Variants in RRAGD observed in about 807,000 individuals in gnomAD.
The protein encoded by RRAGD is Ras related GTP binding D, also known as ras-related GTP-binding protein D.
In RRAGD, 12 loss-of-function variants were observed where a neutral mutation model predicts 35.5. That is an observed-to-expected ratio of 0.34 (90% CI 0.22 to 0.55). The LOEUF is 0.55. RRAGD is among the 20% of genes least tolerant of loss of function. RRAGD has a pLI of 0.91. For synonymous variants in RRAGD, 155 were observed against 178.9 expected, an observed-to-expected ratio of 0.87 and a Z score of 1.07; for missense variants, 324 against 490.1, an observed-to-expected ratio of 0.66 and a Z score of 3.20.
chr6:89,382,328 T>C (rs1386656630), intron 2 of RRAGD, among the ~76,000 whole-genome samples: 1 of 150,788 alleles, frequency 6.6e-6, no homozygotes, highest in Non-Finnish European at 1.5e-5. Context: ...GTGCCTGTAA[T>C]CCCACCTACT....
At chr6:89,385,004 T>C (rs1769116779) in intron 2 of RRAGD, among the ~76,000 whole-genome samples, 1 of 151,760 alleles carries the variant, frequency 6.6e-6, no homozygotes, top group Admixed American at 6.6e-5. Context: ...TAGCGGGTTA[T>C]AATCACACTT....
At position 89,372,479 on chromosome 6, in the gene RRAGD, C is replaced by A; in HGVS notation, c.1009G>T (p.Ala337Ser). 20 of 1,613,624 alleles carry A rather than the reference C, an allele frequency of 1.2e-5. No homozygotes were observed. The highest frequency in any genetic ancestry group is 1.7e-5 in the Non-Finnish European group (20 of 1,179,862). The change falls in exon 6 of 7, where the codon GCT becomes TCT. Residue 337 changes from alanine (A) to serine (S), a missense_variant. Physicochemically the swap from Ala to Ser is moderately conservative, Grantham distance 99. This residue lies in a region of RRAGD where 68 missense variants were observed against 76.8 expected (regional missense o/e 0.89). Coordinates refer to ENST00000369415, the MANE Select transcript of RRAGD (RefSeq NM_021244.5). ...LYLKEVTKFL[A>S]LVCFVREESF... ...TCCTCTCTGACAAAGCAAACGAGAG[C>A]CAGGAACTTTGTCACCTCTTTTAAA...
chr6:89,384,152 A>G (rs982384874), intron 2 of RRAGD, among the ~76,000 whole-genome samples: 1 of 151,974 alleles, frequency 6.6e-6, no homozygotes, highest in African/African-American at 2.4e-5. Flanking sequence ...CTGTGGAGAC[A>G]CTTCCCTAAA....
chr6:89,379,929 G>A (rs1769013290), intron 3 of RRAGD, among the ~76,000 whole-genome samples: 1 of 152,196 alleles, frequency 6.6e-6, no homozygotes, highest in Non-Finnish European at 1.5e-5. Flanking sequence ...TGTTTCTCAT[G>A]TGAGGGGAGA....
chr6:89,398,329 T>C (rs114084915), intron 1 of RRAGD, among the ~76,000 whole-genome samples: 3,165 of 152,264 alleles, frequency 0.021, 104 homozygotes, highest in African/African-American at 0.072. Flanking sequence ...CAATTAATTG[T>C]TGTAATTGAC....
chr6:89,398,094 A>G (rs1769375076), intron 1 of RRAGD, among the ~76,000 whole-genome samples: 1 of 152,122 alleles, frequency 6.6e-6, no homozygotes, highest in South Asian at 2.1e-4. Context: ...TTAGTGAGCC[A>G]AGATTGCGTC....
Position 89,411,732 on chromosome 6 carries a change from C to G in RRAGD, c.148+114G>C. 8.3e-7 allele frequency: 1 copy of G among 1,200,870 alleles called. No homozygotes were observed. Among genetic ancestry groups the G allele is most frequent in the Non-Finnish European group, 1.1e-6 (1 of 879,160 alleles). The allele number at this position is 1,200,870 out of a possible 1,614,324, so 74.4% of individuals were successfully genotyped here. ...CCCACCCCAAACCCTCAACTGGACC[C>G]GCTCCCCTGGACCCCCTCCAAGTCG... On this transcript the variant is annotated intron_variant, in intron 1 of 6. Coordinates refer to ENST00000369415, the MANE Select transcript of RRAGD (RefSeq NM_021244.5). This position sits in a 1 kb window ranked among gnomAD's most constrained non-coding sequence, Gnocchi z 5.6.
intron 2 of RRAGD, among the ~76,000 whole-genome samples, chr6:89,380,937 T>TG (rs1274649061): frequency 4.7e-5 from 7 of 149,384 alleles, no homozygotes; most frequent in Non-Finnish European, 1.0e-4. Flanking sequence ...AGATCAGAGT[T>TG]GCGGTTTCAG....
At chr6:89,399,606 T>TATTA (rs776772240) in intron 1 of RRAGD, among the ~76,000 whole-genome samples, 35 of 152,114 alleles carry the variant, frequency 2.3e-4, no homozygotes, top group Non-Finnish European at 4.6e-4. Context: ...ACCCTCTCTC[T>TATTA]ACTAAAAATA....
At chr6:89,399,185 T>TCTC (rs1195953983) in intron 1 of RRAGD, among the ~76,000 whole-genome samples, 1 of 152,140 alleles carries the variant, frequency 6.6e-6, no homozygotes, top group Non-Finnish European at 1.5e-5. Context: ...AGAAGTTGAA[T>TCTC]CTCCTCCTCC....
chr6:89,388,192 GC>G (rs1351901626), intron 1 of RRAGD, among the ~76,000 whole-genome samples: 1 of 152,172 alleles, frequency 6.6e-6, no homozygotes, highest in African/African-American at 2.4e-5. Context: ...CTGGCTCAGG[GC>G]CCCCATCCAG....
rs968203605 is a variant in RRAGD at position 89,411,619 on chromosome 6, C to T, written c.148+227G>A. On this transcript the variant is annotated intron_variant, in intron 1 of 6. Coordinates refer to ENST00000369415, the MANE Select transcript of RRAGD (RefSeq NM_021244.5). The surrounding 1 kb of genome is among the most constrained non-coding windows in gnomAD (Gnocchi z 5.6). ...AGCCCAGACGCTTACTCCCTCCTTC[C>T]CCTTTTCCACCGATCCTGGTTGCCC... is the stretch of plus-strand genomic sequence containing the variant. 1 of 564,498 alleles carries T rather than the reference C, an allele frequency of 1.8e-6. No homozygotes were observed. The highest frequency in any genetic ancestry group is 3.1e-6 in the Non-Finnish European group (1 of 320,442). 35.0% of individuals were successfully genotyped at this position (564,498 alleles called of 1,614,324 possible). A position where few individuals can be genotyped will look rare whatever the true frequency, so the allele number is the denominator to read the frequency against.
chr6:89,372,476 G>C lies in RRAGD; in HGVS notation c.1012C>G (p.Leu338Val). The stretch of plus-strand genomic sequence containing the variant: ...CTTTCCTCTCTGACAAAGCAAACGA[G>C]AGCCAGGAACTTTGTCACCTCTTTT... ...YLKEVTKFLA[L>V]VCFVREESFE... Residue 338 changes from leucine (L) to valine (V), a missense_variant, in exon 6 of 7, where the codon CTC becomes GTC. Around this residue, in one of 5 missense-constraint regions of RRAGD, gnomAD observed 68 missense variants for 76.8 expected, o/e 0.89. Coordinates refer to ENST00000369415, the MANE Select transcript of RRAGD (RefSeq NM_021244.5). 3.1e-6 allele frequency: 5 copies of C among 1,613,702 alleles called. No homozygotes were observed. Among genetic ancestry groups the C allele is most frequent in the Non-Finnish European group, 4.2e-6 (5 of 1,179,880 alleles).
At position 89,372,526 on chromosome 6, in the gene RRAGD, A is replaced by G; in HGVS notation, c.962T>C (p.Leu321Pro). 1 of 1,603,178 alleles carries G rather than the reference A, an allele frequency of 6.2e-7. No individual in the cohort carries two copies. The highest frequency in any genetic ancestry group is 8.5e-7 in the Non-Finnish European group (1 of 1,176,094). ...TAAATAAAGCACGGTTGTATTATTA[A>G]GCTTTATGATGGCTGTGGATTCCTT... ...YDKESTAIIK[L>P]NNTTVLYLKE... is the part of the protein sequence containing the mutation. Residue 321 changes from leucine to proline, a missense_variant, in exon 6 of 7, where the codon CTT (leucine) becomes CCT (proline). Leu to Pro is a moderately conservative substitution (Grantham distance 98). Around this residue, in one of 5 missense-constraint regions of RRAGD, gnomAD observed 152 missense variants for 296.9 expected, o/e 0.51. Transcript: ENST00000369415.
In RRAGD at chr6:89,367,144, A is replaced by T; in HGVS notation, c.*912T>A. 1 of 152,202 alleles carries T rather than the reference A, an allele frequency of 6.6e-6. No individual in the cohort carries two copies. Among genetic ancestry groups the T allele is most frequent in the East Asian group, 1.9e-4 (1 of 5,182 alleles). The allele number at this position is 152,202 out of a possible 1,614,324, so 9.4% of individuals were successfully genotyped here. On this transcript the variant is annotated 3_prime_UTR_variant, in exon 7 of 7. Transcript: ENST00000369415. Reference sequence around the variant, plus strand: ...GTCCAGAATTGTATCTATGTTTTTTAGTCTGCAGTTGCCAATCACATACTT... The same window carrying T: ...GTCCAGAATTGTATCTATGTTTTTTTGTCTGCAGTTGCCAATCACATACTT...
At position 89,412,065 on chromosome 6, in the gene RRAGD, C is replaced by T. The variant is rs1769715698; in HGVS notation, c.-72G>A. On this transcript the variant is annotated 5_prime_UTR_variant, in exon 1 of 7. Transcript: ENST00000369415. The surrounding 1 kb of genome is among the most constrained non-coding windows in gnomAD (Gnocchi z 4.2). ...GGGGGCCAAGCCTCCTAGCCGGCCG[C>T]CCGCAGCCTATTTCTGAAGCGGAGG... 4 of 1,418,710 alleles carry T rather than the reference C, an allele frequency of 2.8e-6. No homozygotes were observed. In the Admixed American group the frequency reaches 7.4e-5, roughly 26 times the overall value. The allele number at this position is 1,418,710 out of a possible 1,614,324, so 87.9% of individuals were successfully genotyped here.
chr6:89,379,235 T>C lies in RRAGD; in HGVS notation c.748A>G (p.Ile250Val). Reference sequence around the variant, plus strand: ...TATTATTTACTTACTGAGATAAAGATGTTCAGCAAATTCTCCAGAGTTGGG... The same window carrying C: ...TATTATTTACTTACTGAGATAAAGACGTTCAGCAAATTCTCCAGAGTTGGG... ...QLPTLENLLN[I>V]FISNSGIEKA... is the part of the protein sequence containing the mutation. Residue 250 changes from isoleucine to valine, a missense_variant, in exon 4 of 7, where the codon ATC (isoleucine) becomes GTC (valine). Coordinates refer to ENST00000369415, the MANE Select transcript of RRAGD (RefSeq NM_021244.5). 1.3e-6 allele frequency: 2 copies of C among 1,567,722 alleles called. No individual in the cohort carries two copies. Among genetic ancestry groups the C allele is most frequent in the Non-Finnish European group, 1.7e-6 (2 of 1,143,458 alleles).
At chr6:89,410,469 A>G (rs942981303) in intron 1 of RRAGD, among the ~76,000 whole-genome samples, 1 of 152,248 alleles carries the variant, frequency 6.6e-6, no homozygotes, top group Non-Finnish European at 1.5e-5. Context: ...TAGAGACTCC[A>G]ATAAAACGGC....
chr6:89,405,504 A>T (rs188385299), intron 1 of RRAGD, among the ~76,000 whole-genome samples: 1 of 152,122 alleles, frequency 6.6e-6, no homozygotes, highest in African/African-American at 2.4e-5. Flanking sequence ...CCCCTTGCCC[A>T]TGAGCCTTCA....
Sources: allele counts gnomAD v4.1 joint callset (sites outside exome capture counted in the v4.1 genomes callset), GRCh38; gene constraint gnomAD v4.1.1; regional missense constraint gnomAD v4.1.1; non-coding constraint Gnocchi (gnomAD v3.1); transcripts MANE v1.5; gene names NCBI Gene and HGNC (gene_info 2026-07-23, HGNC 2026-07-21).